OSBPL10: variants seen among roughly 807,000 people sequenced by gnomAD.
OSBPL10 encodes oxysterol-binding protein-related protein 10.
In OSBPL10, 49 loss-of-function variants were observed where a neutral mutation model predicts 81.7. The ratio of observed to expected loss-of-function variants is 0.60; its 90% CI spans 0.48 to 0.76. The LOEUF is 0.76. Among genes scored for constraint, OSBPL10 ranks in the 30% least tolerant of loss-of-function variants. The probability of loss-of-function intolerance (pLI) is 0.00; values close to 1 mark genes in which losing one functional copy is unlikely to be tolerated. For missense variants in OSBPL10, 923 were observed against 987.8 expected (o/e 0.93, Z 0.88); for synonymous variants, 419 against 383.6 (o/e 1.09, Z -1.08).
At chr3:31,787,280 C>T (rs747479192) in intron 4 of OSBPL10, among the ~76,000 whole-genome samples, 3 of 152,108 alleles carry the variant, frequency 2.0e-5, no homozygotes, top group Non-Finnish European at 2.9e-5. Context: ...AGGTCTGGTC[C>T]TTTTAGTCAT....
chr3:31,676,395 C>A (rs3892501), intron 8 of OSBPL10, among the ~76,000 whole-genome samples: 16,584 of 140,852 alleles, frequency 0.12, 1,486 homozygotes, highest in East Asian at 0.34. Context: ...TAAGAGAAGC[C>A]AAAAAAAAAA....
chr3:31,675,951 A>G (rs1329172670), intron 8 of OSBPL10, among the ~76,000 whole-genome samples: 1 of 151,304 alleles, frequency 6.6e-6, no homozygotes, highest in Non-Finnish European at 1.5e-5. Context: ...ATCTCAAAAA[A>G]AAAAAAAAAA....
At chr3:31,749,741 G>C (rs894940657) in intron 4 of OSBPL10, among the ~76,000 whole-genome samples, 1 of 152,132 alleles carries the variant, frequency 6.6e-6, no homozygotes, top group African/African-American at 2.4e-5. Flanking sequence ...CTTGAATCCA[G>C]GAGGCAGAGG....
intron 7 of OSBPL10, among the ~76,000 whole-genome samples, chr3:31,685,832 G>A (rs755606754): frequency 5.9e-5 from 9 of 152,208 alleles, no homozygotes; most frequent in Non-Finnish European, 1.2e-4. Context: ...ACTTGGATGT[G>A]ATGGAAGGGA....
rs77587361 is a variant in OSBPL10 at position 31,959,724 on chromosome 3, G to A, written c.281+21175C>T. The stretch of plus-strand genomic sequence containing the variant: ...ATTCTGTTTCTTGTTCTAACTCAGC[G>A]ACAAACTCCGTGTGTAACTTTGAAT... On this transcript the variant is annotated intron_variant, in intron 1 of 11. Transcript: ENST00000396556. Among the ~76,000 whole-genome samples, 2,259 of 152,222 alleles carry A rather than the reference G, an allele frequency of 0.015. 159 individuals carry two copies. The East Asian group carries it at 0.22, about 15-fold the overall frequency.
intron 2 of OSBPL10, among the ~76,000 whole-genome samples, chr3:32,018,955 A>G (rs1699338622): frequency 6.6e-6 from 1 of 152,178 alleles, no homozygotes; most frequent in Admixed American, 6.6e-5. Flanking sequence ...GGAAAGATTC[A>G]CAAGGGAGAA....
intron 3 of OSBPL10, among the ~76,000 whole-genome samples, chr3:31,863,433 T>C (rs952942893): frequency 6.4e-4 from 97 of 152,216 alleles, no homozygotes; most frequent in Admixed American, 3.3e-4. Flanking sequence ...CTTTATGGTA[T>C]GTGAATTATA....
chr3:31,761,471 CAA>C (rs112468280), intron 4 of OSBPL10, among the ~76,000 whole-genome samples: 26 of 55,940 alleles, frequency 4.6e-4, no homozygotes, highest in Admixed American at 5.9e-4. Flanking sequence ...GACTCCATTT[CAA>C]AAAAAAAAAA....
At chr3:31,663,506 C>T in intron 11 of OSBPL10, 1 of 996,912 alleles carries the variant, frequency 1.0e-6, no homozygotes, top group Middle Eastern at 5.2e-4. Context: ...AGTGCCCTGC[C>T]CACTTGCCCA....
chr3:31,885,261 G>A (rs1486619255), intron 1 of OSBPL10, among the ~76,000 whole-genome samples: 1 of 151,918 alleles, frequency 6.6e-6, no homozygotes, highest in Non-Finnish European at 1.5e-5. Context: ...ACTCACACAG[G>A]TACTTGCATT....
chr3:31,817,158 A>G (rs1338102178), intron 4 of OSBPL10, among the ~76,000 whole-genome samples: 1 of 152,120 alleles, frequency 6.6e-6, no homozygotes, highest in East Asian at 1.9e-4. Context: ...AAGAGGCGCC[A>G]TGAGTCCCCA....
At chr3:31,810,014 G>A (rs986092444) in intron 4 of OSBPL10, among the ~76,000 whole-genome samples, 1 of 151,852 alleles carries the variant, frequency 6.6e-6, no homozygotes, top group African/African-American at 2.4e-5. Context: ...TGGGATTACA[G>A]GCATGTGCCA....
intron 2 of OSBPL10, among the ~76,000 whole-genome samples, chr3:32,029,549 G>A (rs189957955): frequency 2.6e-5 from 4 of 152,154 alleles, no homozygotes; most frequent in African/African-American, 7.2e-5. Flanking sequence ...ATGTTCTGCC[G>A]GTAACAATAT....
chr3:31,931,658 TACAGAACACTCATTA>T (rs1305288807), intron 1 of OSBPL10, among the ~76,000 whole-genome samples: 2 of 152,226 alleles, frequency 1.3e-5, no homozygotes, highest in African/African-American at 4.8e-5. Context: ...AGAAGCTTCT[TACAGAACACTCATTA>T]TCAAATCCAT....
intron 11 of OSBPL10, chr3:31,663,400 G>C (rs1700113414): frequency 5.1e-6 from 5 of 986,598 alleles, no homozygotes; most frequent in Non-Finnish European, 4.8e-6. Context: ...TTTAAGACGT[G>C]TGGCTCCTAC....
rs1575607675 is a variant in OSBPL10, at chr3:31,903,688, A to C, written c.282-23858T>G. Reference sequence around the variant, plus strand: ...CACAGAGATCTCTCATCAGAGTCAAACAGCCAATCAGCAGCAGAGGCAATA... The same window carrying C: ...CACAGAGATCTCTCATCAGAGTCAACCAGCCAATCAGCAGCAGAGGCAATA... On this transcript the variant is annotated intron_variant, in intron 1 of 11. Transcript: ENST00000396556. Among the ~76,000 whole-genome samples the C allele has an allele frequency of 3.9e-5, 6 of 152,296 alleles. No individual in the cohort carries two copies. In the South Asian group the frequency reaches 1.2e-3, roughly 32 times the overall value.
At position 31,847,636 on chromosome 3, in the gene OSBPL10, T is replaced by C. The variant is rs566938353; in HGVS notation, c.538-17405A>G. Among the ~76,000 whole-genome samples the C allele has an allele frequency of 2.0e-5, 3 of 152,206 alleles. No homozygotes were observed. In the South Asian group the frequency reaches 6.2e-4, roughly 32 times the overall value. On this transcript the variant is annotated intron_variant, in intron 3 of 11. Coordinates refer to ENST00000396556, the MANE Select transcript of OSBPL10 (RefSeq NM_017784.5). ...ATGAGTGGTTAAGACATAGACCCCT[T>C]CACACTCAACACTGAGAGAGAGAAT...
In OSBPL10 at chr3:31,745,729, C is replaced by T. The variant is rs183849817; in HGVS notation, c.940+2181G>A. On this transcript the variant is annotated intron_variant, in intron 5 of 11. Transcript: ENST00000396556. Reference sequence around the variant, plus strand: ...TTTGTGTCCCAGCATATCATCTGAACGATGGGCATAATCATACCTACTTTG... The same window carrying T: ...TTTGTGTCCCAGCATATCATCTGAATGATGGGCATAATCATACCTACTTTG... 1.1e-4 allele frequency among the ~76,000 whole-genome samples: 16 copies of T among 152,268 alleles called. No individual in the cohort carries two copies. In the East Asian group the frequency reaches 2.7e-3, roughly 26 times the overall value.
chr3:32,074,407 C>G (rs1559559009), intron 1 of OSBPL10, among the ~76,000 whole-genome samples: 1 of 152,176 alleles, frequency 6.6e-6, no homozygotes, highest in Non-Finnish European at 1.5e-5. Context: ...CTTCCACTGT[C>G]CAAATGTTCC....
Sources: allele counts gnomAD v4.1 joint callset (sites outside exome capture counted in the v4.1 genomes callset), GRCh38; gene constraint gnomAD v4.1.1; transcripts MANE v1.5; gene names NCBI Gene and HGNC (gene_info 2026-07-23, HGNC 2026-07-21).